ZBTB44: variants seen among roughly 807,000 people sequenced by gnomAD.
ZBTB44 encodes zinc finger and BTB domain-containing protein 44.
A neutral mutation model predicts 54.0 loss-of-function variants in ZBTB44; 15 were observed. The ratio of observed to expected loss-of-function variants is 0.28; its 90% CI spans 0.19 to 0.43. The LOEUF (loss-of-function observed/expected upper bound fraction) is 0.43. Ranked by LOEUF, ZBTB44 falls within the 20% of genes least tolerant of loss-of-function variation. ZBTB44 has a pLI of 1.00. For missense variants in ZBTB44, 487 were observed against 707.1 expected, an observed-to-expected ratio of 0.69 and a Z score of 3.53; for synonymous variants, 230 against 250.1, an observed-to-expected ratio of 0.92 and a Z score of 0.76.
At chr11:130,284,106 T>C (rs1296645572) in intron 1 of ZBTB44, among the ~76,000 whole-genome samples, 1 of 151,364 alleles carries the variant, frequency 6.6e-6, no homozygotes, top group African/African-American at 2.4e-5. Context: ...CTGGCCAACA[T>C]GGCGAAACCC....
chr11:130,285,314 A>G (rs1477914136), intron 1 of ZBTB44: 8 of 132,868 alleles, frequency 6.0e-5, no homozygotes, highest in Admixed American at 4.8e-4. Flanking sequence ...TTTTTGAGAT[A>G]GAGTTTCGCT....
chr11:130,282,124 G>A (rs375633997), intron 1 of ZBTB44, among the ~76,000 whole-genome samples: 3 of 152,150 alleles, frequency 2.0e-5, no homozygotes, highest in African/African-American at 7.2e-5. Flanking sequence ...CAGCAGTTAA[G>A]GTTATTTTTG....
chr11:130,289,275 G>C (rs1431973203), intron 1 of ZBTB44, among the ~76,000 whole-genome samples: 1 of 152,092 alleles, frequency 6.6e-6, no homozygotes, highest in Non-Finnish European at 1.5e-5. Flanking sequence ...CTGAGGTCAG[G>C]AGTTCAAGAC....
chr11:130,243,403 T>G (rs1451914757), intron 2 of ZBTB44, among the ~76,000 whole-genome samples: 1 of 152,264 alleles, frequency 6.6e-6, no homozygotes, highest in African/African-American at 2.4e-5. Flanking sequence ...GCTAGGTTCC[T>G]GGGCAGCATT....
chr11:130,248,963 G>T (rs1293910078), intron 2 of ZBTB44, among the ~76,000 whole-genome samples: 1 of 151,984 alleles, frequency 6.6e-6, no homozygotes, highest in Non-Finnish European at 1.5e-5. Context: ...TATTAGCTGG[G>T]TGTGGTGGTG....
At chr11:130,240,041 A>ATTT (rs11449622) in intron 2 of ZBTB44, 145 bp from the exon 3 acceptor site, 3,389 of 320,582 alleles carry the variant, frequency 0.011, 5 homozygotes, top group Middle Eastern at 0.025. Context: ...AGTGTTCTAC[A>ATTT]TTTTTTTTTT....
At chr11:130,307,933 T>G (rs1942368580) in intron 1 of ZBTB44, among the ~76,000 whole-genome samples, 1 of 152,142 alleles carries the variant, frequency 6.6e-6, no homozygotes, top group African/African-American at 2.4e-5. Context: ...ACTATATTGG[T>G]CAGGCTGGTC....
chr11:130,307,909 AG>A (rs1241428115), intron 1 of ZBTB44, among the ~76,000 whole-genome samples: 1 of 152,188 alleles, frequency 6.6e-6, no homozygotes, highest in East Asian at 1.9e-4. Context: ...TATTTTTAGT[AG>A]AGACAGGGTT....
chr11:130,255,424 T>C (rs999935340), intron 2 of ZBTB44, among the ~76,000 whole-genome samples: 1 of 152,172 alleles, frequency 6.6e-6, no homozygotes, highest in African/African-American at 2.4e-5. Context: ...GGGAAATTTA[T>C]AGCACTAAAT....
chr11:130,266,905 C>T (rs76536139), intron 1 of ZBTB44, among the ~76,000 whole-genome samples: 5 of 152,144 alleles, frequency 3.3e-5, no homozygotes, highest in Non-Finnish European at 7.3e-5. Flanking sequence ...AAACTACATA[C>T]ACCTTGTTGA....
chr11:130,295,720 CA>C (rs1941601013), intron 1 of ZBTB44: 19 of 1,526,590 alleles, frequency 1.2e-5, no homozygotes, highest in Non-Finnish European at 1.5e-5. Flanking sequence ...CTAGCAGCTG[CA>C]AAAACAGGCA....
At chr11:130,262,472 C>A (rs1938940786) in intron 1 of ZBTB44, among the ~76,000 whole-genome samples, 1 of 152,120 alleles carries the variant, frequency 6.6e-6, no homozygotes, top group Admixed American at 6.5e-5. Context: ...TGCAGGGCTG[C>A]AACAGTTTGT....
chr11:130,268,222 T>TA lies in ZBTB44; in HGVS notation c.-56-6294dup, dbSNP rs1189306993. On this transcript the variant is annotated intron_variant, in intron 1 of 7. Coordinates refer to ENST00000357899, the MANE Select transcript of ZBTB44 (RefSeq NM_001301098.2). Reference sequence around the variant, plus strand: ...AATGGAGTGAGACCCACGTCTAATTTAAAAAAAAAAAAAAGCGGGGGGTGG... The same window carrying TA: ...AATGGAGTGAGACCCACGTCTAATTTAAAAAAAAAAAAAAAGCGGGGGGTGG... Among the ~76,000 whole-genome samples, 741 of 128,900 alleles carry TA rather than the reference T, an allele frequency of 5.7e-3. 2 individuals carry two copies. Among genetic ancestry groups the TA allele is most frequent in the South Asian group, 0.026 (94 of 3,566 alleles). 84.6% of individuals were successfully genotyped at this position (128,900 alleles called of 152,430 possible).
intron 1 of ZBTB44, among the ~76,000 whole-genome samples, chr11:130,265,540 G>C (rs779152520): frequency 6.6e-6 from 1 of 152,178 alleles, no homozygotes; most frequent in African/African-American, 2.4e-5. Flanking sequence ...CATGTTGAGA[G>C]CTGAGAGAGC....
intron 1 of ZBTB44, among the ~76,000 whole-genome samples, chr11:130,305,156 T>A (rs1356892541): frequency 6.6e-6 from 1 of 152,182 alleles, no homozygotes; most frequent in Non-Finnish European, 1.5e-5. Flanking sequence ...ATGGGTAGAA[T>A]CAATATGGTG....
chr11:130,312,150 G>C (rs1397829238), intron 1 of ZBTB44, among the ~76,000 whole-genome samples: 1 of 152,104 alleles, frequency 6.6e-6, no homozygotes, highest in East Asian at 1.9e-4. Flanking sequence ...CTTAATGAAG[G>C]AAATCTCTTC....
Position 130,261,302 on chromosome 11 carries a change from G to C in ZBTB44, c.572C>G (p.Ser191Cys). Reference sequence around the variant, plus strand: ...GCCACACTTTACAGGACTTTCAGGAGACATAACAATGTAGCTTTTGCGCTT... The same window carrying C: ...GCCACACTTTACAGGACTTTCAGGACACATAACAATGTAGCTTTTGCGCTT... Reference protein sequence around the residue: ...RRKRKSYIVMSPESPVKCGTQ... With the variant: ...RRKRKSYIVMCPESPVKCGTQ... The change falls in exon 2 of 8, where the codon TCT (serine) becomes TGT (cysteine). Residue 191 changes from serine to cysteine, a missense_variant. Transcript: ENST00000357899. The surrounding 1 kb of genome is among the most constrained non-coding windows in gnomAD (Gnocchi z 4.8). The C allele has an allele frequency of 1.2e-6, 2 of 1,613,846 alleles. No homozygotes were observed. Among genetic ancestry groups the C allele is most frequent in the Non-Finnish European group, 1.7e-6 (2 of 1,179,892 alleles).
chr11:130,311,624 T>C (rs770273383), intron 1 of ZBTB44, among the ~76,000 whole-genome samples: 3 of 152,196 alleles, frequency 2.0e-5, no homozygotes, highest in Non-Finnish European at 4.4e-5. Flanking sequence ...TCTGAACTCA[T>C]GATTAAACAA....
At chr11:130,262,286 C>T (rs768554055) in intron 1 of ZBTB44, among the ~76,000 whole-genome samples, 14 of 152,064 alleles carry the variant, frequency 9.2e-5, no homozygotes, top group Admixed American at 2.0e-4. Flanking sequence ...ATTACAGGCA[C>T]CCGCCCTCAT....
Sources: gnomAD v4.1 joint callset for allele counts (sites outside exome capture counted in the v4.1 genomes callset) on GRCh38, gnomAD v4.1.1 for gene constraint, Gnocchi (gnomAD v3.1) non-coding constraint, MANE v1.5 for transcripts, NCBI Gene and HGNC (gene_info 2026-07-23, HGNC 2026-07-21) for gene names.